Variants in CDH13 observed in about 807,000 individuals in gnomAD.
CDH13 encodes the protein cadherin-13.
CDH13 carries 24 observed loss-of-function variants against 63.8 expected under a neutral mutation model. The ratio of observed to expected loss-of-function variants is 0.38; its 90% CI spans 0.27 to 0.53. CDH13 has a LOEUF of 0.53. CDH13 is among the 20% of genes least tolerant of loss of function. The probability of loss-of-function intolerance (pLI) is 0.85; values close to 1 mark genes in which losing one functional copy is unlikely to be tolerated. For synonymous variants in CDH13, 503 were observed against 355.3 expected, an observed-to-expected ratio of 1.42 and a Z score of -4.67; for missense variants, 1,049 against 903.1, an observed-to-expected ratio of 1.16 and a Z score of -2.07.
chr16:83,656,280 A>G (rs928097455), intron 8 of CDH13, among the ~76,000 whole-genome samples: 2 of 152,208 alleles, frequency 1.3e-5, no homozygotes, highest in East Asian at 3.8e-4. Flanking sequence ...CAACATGAAT[A>G]AATGGTGGTG....
intron 4 of CDH13, among the ~76,000 whole-genome samples, chr16:83,195,820 C>T (rs553264627): frequency 3.3e-5 from 5 of 152,272 alleles, no homozygotes; most frequent in East Asian, 3.9e-4. Flanking sequence ...GCCACACAAA[C>T]GTGTCCAACT....
chr16:82,946,226 G>A (rs1904700597), intron 2 of CDH13, among the ~76,000 whole-genome samples: 1 of 151,846 alleles, frequency 6.6e-6, no homozygotes, highest in East Asian at 1.9e-4. Flanking sequence ...ATGAATGGAG[G>A]GAGGGAGGGA....
At chr16:82,934,106 C>T (rs2042589880) in intron 2 of CDH13, among the ~76,000 whole-genome samples, 1 of 152,232 alleles carries the variant, frequency 6.6e-6, no homozygotes, top group African/African-American at 2.4e-5. Flanking sequence ...ATCCCACATT[C>T]CCCTTCTGCA....
intron 4 of CDH13, among the ~76,000 whole-genome samples, chr16:83,174,399 C>G (rs1269237047): frequency 3.3e-5 from 5 of 151,828 alleles, no homozygotes; most frequent in African/African-American, 1.2e-4. Context: ...TTCAAGTTAT[C>G]TTGACCAATG....
Position 82,638,911 on chromosome 16 carries a change from C to A in CDH13, c.45+11774C>A, listed in dbSNP as rs540644764. Among the ~76,000 whole-genome samples the A allele has an allele frequency of 2.7e-5, 4 of 150,668 alleles. No individual in the cohort carries two copies. In the South Asian group the frequency reaches 6.3e-4, roughly 24 times the overall value. ...ATGTAACCACAATTCACTGTAGTTG[C>A]TATGCACTAGTTACCCATGTTATCT... On this transcript the variant is annotated intron_variant, in intron 1 of 13. Transcript: ENST00000567109.
intron 7 of CDH13, among the ~76,000 whole-genome samples, chr16:83,512,415 A>G (rs1315621531): frequency 2.7e-5 from 4 of 150,536 alleles, no homozygotes; most frequent in Non-Finnish European, 5.9e-5. Context: ...TCATGCCTGT[A>G]ATCCCAGCAC....
chr16:82,795,083 C>G (rs914502769), intron 1 of CDH13, among the ~76,000 whole-genome samples: 5 of 152,342 alleles, frequency 3.3e-5, no homozygotes, highest in Middle Eastern at 3.4e-3. Flanking sequence ...CCATACTCAT[C>G]TCCAACTGGC....
intron 2 of CDH13, among the ~76,000 whole-genome samples, chr16:82,998,436 A>G (rs893661935): frequency 6.6e-5 from 10 of 152,164 alleles, no homozygotes; most frequent in African/African-American, 2.4e-4. Context: ...TTATAGTGAC[A>G]TGTAACTTTT....
At chr16:82,873,892 G>C (rs987919981) in intron 2 of CDH13, among the ~76,000 whole-genome samples, 1 of 152,048 alleles carries the variant, frequency 6.6e-6, no homozygotes, top group Non-Finnish European at 1.5e-5. Context: ...GTATTTTCAT[G>C]TTCTAGGGAT....
intron 3 of CDH13, among the ~76,000 whole-genome samples, chr16:83,040,084 A>G (rs1331683107): frequency 1.3e-5 from 2 of 151,710 alleles, no homozygotes; most frequent in African/African-American, 4.8e-5. Flanking sequence ...CCTCGCTCCC[A>G]TGCAGCACAC....
At chr16:82,983,831 G>A (rs572857920) in intron 2 of CDH13, among the ~76,000 whole-genome samples, 71 of 152,364 alleles carry the variant, frequency 4.7e-4, no homozygotes, top group Non-Finnish European at 8.8e-4. Context: ...GGGACTGACT[G>A]TAAGGGGGAA....
chr16:83,277,091 A>G (rs1423175219), intron 5 of CDH13, among the ~76,000 whole-genome samples: 2 of 152,168 alleles, frequency 1.3e-5, no homozygotes, highest in Non-Finnish European at 2.9e-5. Context: ...CAACACAGCC[A>G]AATCATATCA....
intron 11 of CDH13, among the ~76,000 whole-genome samples, chr16:83,762,385 A>T (rs1382633138): frequency 6.7e-6 from 1 of 150,204 alleles, no homozygotes; most frequent in African/African-American, 2.4e-5. Context: ...AAGAAAGGAT[A>T]AAATAAAAAA....
Position 83,032,200 on chromosome 16 carries a change from C to T in CDH13, c.348C>T (p.Asp116=). The part of the protein sequence containing the change: ...MAELVIVGGK[D]IQGSLQDIFK... Reference sequence around the variant, plus strand: ...AACTCGTGATTGTCGGGGGGAAAGACATCCAGGGCTCCTTGCAGGTAACAC... The same window carrying T: ...AACTCGTGATTGTCGGGGGGAAAGATATCCAGGGCTCCTTGCAGGTAACAC... The change falls in exon 3 of 14, where the codon GAC becomes GAT. Residue 116 remains aspartate (D), a synonymous_variant. Transcript: ENST00000567109. 3 of 1,613,436 alleles carry T rather than the reference C, an allele frequency of 1.9e-6. 1 individual carries two copies. The highest frequency in any genetic ancestry group is 2.2e-5 in the South Asian group (2 of 91,040).
intron 2 of CDH13, among the ~76,000 whole-genome samples, chr16:82,933,597 A>G (rs922766467): frequency 6.6e-6 from 1 of 152,346 alleles, no homozygotes; most frequent in Middle Eastern, 3.4e-3. Flanking sequence ...TCATTTTGGC[A>G]TTAACCCAAA....
intron 3 of CDH13, among the ~76,000 whole-genome samples, chr16:83,112,096 CT>C (rs1208688261): frequency 6.6e-6 from 1 of 152,206 alleles, no homozygotes. Flanking sequence ...GAACTCTCTG[CT>C]TTGCTTTACT....
intron 1 of CDH13, among the ~76,000 whole-genome samples, chr16:82,836,556 A>G (rs1176353045): frequency 6.6e-6 from 1 of 152,158 alleles, no homozygotes; most frequent in Non-Finnish European, 1.5e-5. Flanking sequence ...TACTGATGAG[A>G]AAGGATGTTA....
chr16:83,503,955 G>T (rs1161374866), intron 7 of CDH13, among the ~76,000 whole-genome samples: 1 of 151,834 alleles, frequency 6.6e-6, no homozygotes, highest in South Asian at 2.1e-4. Context: ...TTTTAGTTGG[G>T]GGGTGGGGGG....
intron 2 of CDH13, among the ~76,000 whole-genome samples, chr16:82,997,723 C>T (rs546377599): frequency 6.6e-6 from 1 of 152,274 alleles, no homozygotes; most frequent in South Asian, 2.1e-4. Flanking sequence ...GGGATTTGAG[C>T]TCAGCTATAT....
Sources: allele counts gnomAD v4.1 joint callset (sites outside exome capture counted in the v4.1 genomes callset), GRCh38; gene constraint gnomAD v4.1.1; transcripts MANE v1.5; gene names NCBI Gene and HGNC (gene_info 2026-07-23, HGNC 2026-07-21).